Variants in EMC3 observed in about 807,000 individuals in gnomAD.
EMC3 encodes 30 kDa protein.
In EMC3, 13 loss-of-function variants were observed where a neutral mutation model predicts 36.6. That is an observed-to-expected ratio of 0.35 (90% CI 0.23 to 0.56). The LOEUF is 0.56. Among genes scored for constraint, EMC3 ranks in the 20% least tolerant of loss-of-function variants. The pLI is 0.84. For synonymous variants in EMC3, 120 were observed against 111.9 expected (o/e 1.07, Z -0.46); for missense variants, 220 against 324.5 (o/e 0.68, Z 2.47).
intron 1 of EMC3, among the ~76,000 whole-genome samples, chr3:9,998,353 G>T (rs914912781): frequency 1.5e-5 from 2 of 131,116 alleles, no homozygotes; most frequent in Non-Finnish European, 3.4e-5. Context: ...GCAACAGAGC[G>T]AGACTCTGTC....
intron 3 of EMC3, among the ~76,000 whole-genome samples, chr3:9,974,748 C>T (rs1387748529): frequency 6.6e-6 from 1 of 151,332 alleles, no homozygotes; most frequent in Non-Finnish European, 1.5e-5. Flanking sequence ...TTAGTAGAGA[C>T]GGGGTTTCAC....
At position 9,970,545 on chromosome 3, in the gene EMC3, G is replaced by A. The variant is rs1284139002; in HGVS notation, c.574+37C>T. ...GCTCTAATATGGATGATTCATCTAT[G>A]GAAGTATTTGCTTAGTAAACCTGAC... On this transcript the variant is annotated intron_variant, in intron 6 of 7. Coordinates refer to ENST00000245046, the MANE Select transcript of EMC3 (RefSeq NM_001394674.1). 3.1e-6 allele frequency: 5 copies of A among 1,595,928 alleles called. No homozygotes were observed. The South Asian group carries it at 5.5e-5, about 18-fold the overall frequency.
In EMC3 at chr3:9,963,456, T is replaced by TAGATAGATAGATAGATAGATAG. The variant is rs758502481; in HGVS notation, c.*612_*613insCTATCTATCTATCTATCTATCT. On this transcript the variant is annotated 3_prime_UTR_variant, in exon 8 of 8. Transcript: ENST00000245046. ...AAGACTGGGCTTCTGCTAAGATAGATATATATATATATATATATATATTTT... is the reference window on the plus strand; with the variant it reads ...AAGACTGGGCTTCTGCTAAGATAGATAGATAGATAGATAGATAGATAGATATATATATATATATATATATTTT... 1.6e-4 allele frequency: 16 copies of TAGATAGATAGATAGATAGATAG among 100,760 alleles called. No homozygotes were observed. Among genetic ancestry groups the TAGATAGATAGATAGATAGATAG allele is most frequent in the South Asian group, 1.4e-3 (5 of 3,680 alleles). 6.2% of individuals were successfully genotyped at this position (100,760 alleles called of 1,614,324 possible). A position where few individuals can be genotyped will look rare whatever the true frequency, so the allele number is the denominator to read the frequency against.
At chr3:10,000,816 A>G in intron 1 of EMC3, 1 of 492,038 alleles carries the variant, frequency 2.0e-6, no homozygotes, top group South Asian at 1.5e-5. Flanking sequence ...AAGAGAATCC[A>G]ACAGCCTGAC....
At chr3:10,010,921 A>T (rs2086316859) in intron 1 of EMC3, 1 of 152,378 alleles carries the variant, frequency 6.6e-6, no homozygotes, top group African/African-American at 2.4e-5. Context: ...GGCGGGCGGC[A>T]CTTAACGAAG....
In EMC3 at chr3:9,986,688, G is replaced by T. The variant is rs1412636845; in HGVS notation, c.-27C>A. 6.2e-7 allele frequency: 1 copy of T among 1,612,298 alleles called. No homozygotes were observed. On this transcript the variant is annotated 5_prime_UTR_variant, in exon 1 of 8. Coordinates refer to ENST00000245046, the MANE Select transcript of EMC3 (RefSeq NM_001394674.1). The stretch of plus-strand genomic sequence containing the variant: ...TTCACTGAAAGCTGGTTCCCAGTCT[G>T]GAATGGGCGAGCTTCTCTTCTCCGG...
At position 9,964,004 on chromosome 3, in the gene EMC3, CCAAA is replaced by C. The variant is rs1412538178; in HGVS notation, c.*61_*64del. The C allele has an allele frequency of 3.8e-5, 61 of 1,590,330 alleles. No individual in the cohort carries two copies. Among genetic ancestry groups the C allele is most frequent in the Non-Finnish European group, 3.1e-5 (36 of 1,167,590 alleles). ...CTTTTTATTTCAAGAGGTGCCAGCT[CCAAA>C]CAAAGTTACAAGGTTAAGTGCAACT... On this transcript the variant is annotated 3_prime_UTR_variant, in exon 8 of 8. Transcript: ENST00000245046.
intron 1 of EMC3, chr3:10,007,749 G>A: frequency 1.0e-6 from 1 of 987,382 alleles, no homozygotes; most frequent in Admixed American, 2.9e-5. Flanking sequence ...CACCCATCAA[G>A]GAGCTTCCTT....
chr3:9,969,937 G>T, intron 6 of EMC3, 136 bp from the exon 7 acceptor site: 1 of 1,398,216 alleles, frequency 7.2e-7, no homozygotes, highest in South Asian at 1.5e-5. Flanking sequence ...CACTGGCTAT[G>T]TGACTCTAGG....
intron 1 of EMC3, among the ~76,000 whole-genome samples, chr3:9,998,405 TA>T (rs71052284): frequency 2.0e-5 from 3 of 147,778 alleles, no homozygotes; most frequent in Non-Finnish European, 3.0e-5. Flanking sequence ...ATAATAATAA[TA>T]ATTTTGCTTT....
chr3:9,978,156 A>T (rs1421518422), intron 1 of EMC3: 1 of 104,370 alleles, frequency 9.6e-6, no homozygotes, highest in African/African-American at 6.4e-5. Context: ...AAAAAAAAAA[A>T]AAAAAAAAAA....
At chr3:9,969,280 G>C in intron 7 of EMC3, 5 of 1,074,348 alleles carry the variant, frequency 4.7e-6, no homozygotes, top group Non-Finnish European at 5.7e-6. Flanking sequence ...TTCTCTTTTA[G>C]TTTCTATCAT....
intron 3 of EMC3, 131 bp downstream of exon 3, chr3:9,976,826 C>A: frequency 1.5e-6 from 1 of 688,630 alleles, no homozygotes. Flanking sequence ...CAGATGATTT[C>A]TAAGGTCTAA....
chr3:9,964,510 G>A (rs1188858712), intron 7 of EMC3, among the ~76,000 whole-genome samples: 1 of 152,192 alleles, frequency 6.6e-6, no homozygotes, highest in Non-Finnish European at 1.5e-5. Flanking sequence ...CGCTTAACCC[G>A]TCTATCAGCT....
At chr3:9,985,976 A>T (rs963441116) in intron 1 of EMC3, among the ~76,000 whole-genome samples, 1 of 152,218 alleles carries the variant, frequency 6.6e-6, no homozygotes, top group African/African-American at 2.4e-5. Flanking sequence ...AGTGGGGGGA[A>T]ATAATTACAA....
rs1161175500 is a variant in EMC3, at chr3:9,973,191, TG to T, written c.494+436del. Among the ~76,000 whole-genome samples the T allele has an allele frequency of 8.0e-5, 12 of 149,496 alleles. 1 individual carries two copies. In the East Asian group the frequency reaches 1.0e-3, roughly 12 times the overall value. ...TTGTGAGGTTTTTGTTTTCGTTTTT[TG>T]TTTGTTTGTTTGTTTGTTTTCAGAC... On this transcript the variant is annotated intron_variant, in intron 5 of 7. Coordinates refer to ENST00000245046, the MANE Select transcript of EMC3 (RefSeq NM_001394674.1).
rs61596273 is a variant in EMC3, at chr3:9,963,477, A to ATATATATATATATAT, written c.*591_*592insATATATATATATATA. Reference sequence around the variant, plus strand: ...TAGATATATATATATATATATATATATTTTTTTTTTTTTTTCAGATGGAGT... The same window carrying ATATATATATATATAT: ...TAGATATATATATATATATATATATATATATATATATATATTTTTTTTTTTTTTTTCAGATGGAGT... On this transcript the variant is annotated 3_prime_UTR_variant, in exon 8 of 8. Transcript: ENST00000245046. 1 of 88,922 alleles carries ATATATATATATATAT rather than the reference A, an allele frequency of 1.1e-5. No individual in the cohort carries two copies. The highest frequency in any genetic ancestry group is 2.2e-5 in the Non-Finnish European group (1 of 46,268). 5.5% of individuals were successfully genotyped at this position (88,922 alleles called of 1,614,324 possible).
chr3:9,987,334 G>A, upstream of EMC3: 4 of 985,400 alleles, frequency 4.1e-6, no homozygotes, highest in Non-Finnish European at 4.8e-6. Flanking sequence ...TCTTAAGTCC[G>A]GGCCGCGGTC....
At position 9,963,990 on chromosome 3, in the gene EMC3, A is replaced by G. The variant is rs1575670146; in HGVS notation, c.*79T>C. The G allele has an allele frequency of 6.4e-7, 1 of 1,570,656 alleles. No homozygotes were observed. ...GCTCGTGCATCCTCCTTTTTATTTC[A>G]AGAGGTGCCAGCTCCAAACAAAGTT... On this transcript the variant is annotated 3_prime_UTR_variant, in exon 8 of 8. Transcript: ENST00000245046.
Sources: allele counts gnomAD v4.1 joint callset (sites outside exome capture counted in the v4.1 genomes callset), GRCh38; gene constraint gnomAD v4.1.1; transcripts MANE v1.5; gene names NCBI Gene and HGNC (gene_info 2026-07-23, HGNC 2026-07-21).